The following MDN1 variants were observed in gnomAD, a reference collection of about 807,000 sequenced individuals.
MDN1 encodes midasin.
In MDN1, 266 loss-of-function variants were observed where a neutral mutation model predicts 669.2. The ratio of observed to expected loss-of-function variants is 0.40; its 90% CI spans 0.36 to 0.44. The LOEUF is 0.44. Among genes scored for constraint, MDN1 ranks in the 20% least tolerant of loss-of-function variants. The probability of loss-of-function intolerance (pLI) is 1.00; values close to 1 mark genes in which losing one functional copy is unlikely to be tolerated. For missense variants in MDN1, 5,940 were observed against 6,754.0 expected (o/e 0.88, Z 4.22); for synonymous variants, 2,385 against 2,457.1 (o/e 0.97, Z 0.87).
At position 89,745,626 on chromosome 6, in the gene MDN1, C is replaced by T; in HGVS notation, c.3905G>A (p.Gly1302Asp). The change falls in exon 28 of 102, where the codon GGT (glycine) becomes GAT (aspartate). Residue 1302 changes from glycine (G) to aspartate (D), a missense_variant and splice_region_variant. Gly to Asp is a moderately conservative substitution (Grantham distance 94, BLOSUM62 -1). Around this residue, in one of 5 missense-constraint regions of MDN1, gnomAD observed 2,292 missense variants for 2,638.3 expected, o/e 0.87. Transcript: ENST00000369393. ...GACTCGACCTGCCAGAAGCATATAA[C>T]CTGGGAGGAGGAGGAGGAAAAGGAG... is the stretch of plus-strand genomic sequence containing the variant. ...YDWLQHLAND[G>D]YMLLAGRVRK... is the part of the protein sequence containing the mutation. 6.2e-7 allele frequency: 1 copy of T among 1,613,136 alleles called. No individual in the cohort carries two copies. Among genetic ancestry groups the T allele is most frequent in the Non-Finnish European group, 8.5e-7 (1 of 1,179,648 alleles).
chr6:89,657,521 G>A (rs963557691), intron 90 of MDN1, among the ~76,000 whole-genome samples: 2 of 152,194 alleles, frequency 1.3e-5, no homozygotes, highest in African/African-American at 4.8e-5. Flanking sequence ...TTAGAAACCT[G>A]ATGATGAGCA....
intron 34 of MDN1, 73 bp downstream of exon 34, chr6:89,732,484 G>C: frequency 7.7e-7 from 1 of 1,298,138 alleles, no homozygotes; most frequent in Non-Finnish European, 1.1e-6. Flanking sequence ...CTGGGTCAGA[G>C]GCCTGGGCTT....
intron 59 of MDN1, 63 bp downstream of exon 59, chr6:89,698,802 T>C (rs1258548585): frequency 6.6e-7 from 1 of 1,524,902 alleles, no homozygotes; most frequent in Admixed American, 1.8e-5. Flanking sequence ...TGTTTATTGA[T>C]AGATCCATTC....
chr6:89,819,708 G>C lies in MDN1; in HGVS notation c.-101C>G, dbSNP rs544659628. ...CAGTGCCCGAGCAGCCAGCAACTAC[G>C]CCCGCAGGAAAGGCGTCCTCAGCTC... is the stretch of plus-strand genomic sequence containing the variant. On this transcript the variant is annotated 5_prime_UTR_variant, in exon 1 of 102. Transcript: ENST00000369393. 3 of 949,088 alleles carry C rather than the reference G, an allele frequency of 3.2e-6. No individual in the cohort carries two copies. The highest frequency in any genetic ancestry group is 5.0e-6 in the Non-Finnish European group (3 of 601,110). 58.8% of individuals were successfully genotyped at this position (949,088 alleles called of 1,614,324 possible). A position where few individuals can be genotyped will look rare whatever the true frequency, so the allele number is the denominator to read the frequency against.
chr6:89,690,632 G>A (rs1196055711), intron 64 of MDN1, 41 bp downstream of exon 64: 1 of 1,609,786 alleles, frequency 6.2e-7, no homozygotes, highest in African/African-American at 1.3e-5. Flanking sequence ...ATGGCATCAA[G>A]GGAATTCATT....
intron 90 of MDN1, among the ~76,000 whole-genome samples, chr6:89,657,419 A>G (rs903702575): frequency 1.3e-5 from 2 of 152,234 alleles, no homozygotes; most frequent in African/African-American, 2.4e-5. Flanking sequence ...TGTTCTTTCC[A>G]TAGCACCCAG....
intron 70 of MDN1, 33 bp downstream of exon 70, chr6:89,685,794 C>A: frequency 6.2e-7 from 1 of 1,605,076 alleles, no homozygotes; most frequent in East Asian, 2.2e-5. Flanking sequence ...TTTAGTCGTG[C>A]AATGTCAAAG....
chr6:89,675,329 C>G, intron 78 of MDN1, 135 bp downstream of exon 78: 1 of 704,518 alleles, frequency 1.4e-6, no homozygotes, highest in Non-Finnish European at 2.3e-6. Flanking sequence ...GAAACCCTAC[C>G]TGCCTCTTTG....
intron 86 of MDN1, among the ~76,000 whole-genome samples, 177 bp downstream of exon 86, chr6:89,662,615 C>T (rs986131408): frequency 6.6e-6 from 1 of 151,870 alleles, no homozygotes; most frequent in African/African-American, 2.4e-5. Context: ...TCAGGTCAAG[C>T]TACTCTTAGC....
rs775526581 is a variant in MDN1 at position 89,685,845 on chromosome 6, G to A, written c.11701C>T (p.Pro3901Ser). 1 of 1,613,686 alleles carries A rather than the reference G, an allele frequency of 6.2e-7. No homozygotes were observed. The highest frequency in any genetic ancestry group is 8.5e-7 in the Non-Finnish European group (1 of 1,179,960). ...TCCTCACCCTTTCCTTCAACCTGTGGCATCAGCAAGACATGACAATGGAAA... is the reference window on the plus strand; with the variant it reads ...TCCTCACCCTTTCCTTCAACCTGTGACATCAGCAAGACATGACAATGGAAA... The part of the protein sequence containing the change: ...LVFHCHVLLM[P>S]QVEGKDSLCS... The change falls in exon 70 of 102, where the codon CCA becomes TCA. Residue 3901 changes from proline (P) to serine (S), a missense_variant. Transcript: ENST00000369393.
At chr6:89,685,391 G>A (rs188813738) in intron 70 of MDN1, among the ~76,000 whole-genome samples, 2 of 152,188 alleles carry the variant, frequency 1.3e-5, no homozygotes, top group Non-Finnish European at 2.9e-5. Flanking sequence ...TACTCATCTT[G>A]TAGTGAGACT....
Position 89,814,296 on chromosome 6 carries a change from C to CA in MDN1, c.102+5209dup, listed in dbSNP as rs565163066. On this transcript the variant is annotated intron_variant, in intron 1 of 101. Coordinates refer to ENST00000369393, the MANE Select transcript of MDN1 (RefSeq NM_014611.3). ...ATTAAAACAGAGACCTTAGGACTGA[C>CA]AAAACAGATTACTAGTAGCAATAAG... Among the ~76,000 whole-genome samples the CA allele has an allele frequency of 4.1e-4, 62 of 151,392 alleles. 1 individual carries two copies. The South Asian group carries it at 0.013, about 31-fold the overall frequency.
In MDN1 at chr6:89,771,572, G is replaced by C; in HGVS notation, c.2133C>G (p.Asp711Glu). The change falls in exon 15 of 102, where the codon GAC becomes GAG. Residue 711 changes from aspartate to glutamate, a missense_variant. By Grantham distance (45) the Asp-to-Glu change is conservative. Coordinates refer to ENST00000369393, the MANE Select transcript of MDN1 (RefSeq NM_014611.3). ...VNMNQQSDTA[D>E]LLGGYKPVDH... Reference sequence around the variant, plus strand: ...TAAGCCACACTTACCCTCCAAGCAAGTCTGCAGTATCACTTTGTTGATTCA... The same window carrying C: ...TAAGCCACACTTACCCTCCAAGCAACTCTGCAGTATCACTTTGTTGATTCA... 1 of 1,613,730 alleles carries C rather than the reference G, an allele frequency of 6.2e-7. No homozygotes were observed. Among genetic ancestry groups the C allele is most frequent in the Non-Finnish European group, 8.5e-7 (1 of 1,179,770 alleles).
In MDN1 at chr6:89,776,587, A is replaced by C; in HGVS notation, c.1821+13T>G. ...CTCCTTTCAACAGGGAAGTAAAAAA[A>C]CAGCACACATACCTTTTTTCTAGAA... On this transcript the variant is annotated intron_variant, in intron 12 of 101. Coordinates refer to ENST00000369393, the MANE Select transcript of MDN1 (RefSeq NM_014611.3). 6.3e-7 allele frequency: 1 copy of C among 1,591,540 alleles called. No individual in the cohort carries two copies. Among genetic ancestry groups the C allele is most frequent in the South Asian group, 1.1e-5 (1 of 89,282 alleles).
Position 89,740,238 on chromosome 6 carries a change from T to G in MDN1, c.4589A>C (p.Lys1530Thr). Reference protein sequence around the residue: ...TMNPGGDFGKKELSPALRNRF... With the variant: ...TMNPGGDFGKTELSPALRNRF... ...TGTGCATCAGTAAAGTTTTACCTCC[T>G]TTTTTCCAAAGTCACCCCCAGGGTT... Residue 1530 changes from lysine (K) to threonine (T), a missense_variant, in exon 32 of 102, where the codon AAG becomes ACG. By Grantham distance (78) the Lys-to-Thr change is moderately conservative (BLOSUM62 -1). This residue lies in a region of MDN1 where 2,292 missense variants were observed against 2,638.3 expected (regional missense o/e 0.87). Coordinates refer to ENST00000369393, the MANE Select transcript of MDN1 (RefSeq NM_014611.3). 1 of 1,611,420 alleles carries G rather than the reference T, an allele frequency of 6.2e-7. No homozygotes were observed. Among genetic ancestry groups the G allele is most frequent in the African/African-American group, 1.3e-5 (1 of 74,864 alleles).
intron 2 of MDN1, among the ~76,000 whole-genome samples, chr6:89,801,157 A>G (rs1767630616): frequency 6.6e-6 from 1 of 152,134 alleles, no homozygotes; most frequent in Non-Finnish European, 1.5e-5. Flanking sequence ...GCACTTTGGG[A>G]GGCCAAGGCG....
intron 59 of MDN1, 46 bp downstream of exon 59, chr6:89,698,819 T>C: frequency 1.9e-6 from 3 of 1,590,806 alleles, no homozygotes; most frequent in Non-Finnish European, 2.6e-6. Flanking sequence ...ATTCAGAAAC[T>C]CTTTTGCCAC....
intron 7 of MDN1, among the ~76,000 whole-genome samples, chr6:89,789,049 G>A (rs933945839): frequency 3.9e-5 from 6 of 152,106 alleles, no homozygotes; most frequent in South Asian, 2.1e-4. Context: ...GCTGGAGCCC[G>A]GGAGACGGAG....
intron 9 of MDN1, among the ~76,000 whole-genome samples, chr6:89,782,637 T>G (rs1338451573): frequency 9.6e-6 from 1 of 103,696 alleles, no homozygotes; most frequent in Non-Finnish European, 2.1e-5. Context: ...ATAATAATAA[T>G]AATAAGATAT....
Sources: gnomAD v4.1 joint callset for allele counts (sites outside exome capture counted in the v4.1 genomes callset) on GRCh38, gnomAD v4.1.1 for gene constraint, gnomAD v4.1.1 regional missense constraint, MANE v1.5 for transcripts, NCBI Gene and HGNC (gene_info 2026-07-23, HGNC 2026-07-21) for gene names.